PIAS1: variants seen among roughly 807,000 people sequenced by gnomAD.
The protein encoded by PIAS1 is E3 SUMO-protein ligase PIAS1.
In PIAS1, 6 loss-of-function variants were observed where a neutral mutation model predicts 71.3. The observed-to-expected ratio is 0.08, with a 90% confidence interval of 0.05 to 0.17. PIAS1 has a LOEUF of 0.17. PIAS1 is among the 10% of genes least tolerant of loss of function. The pLI, the probability that PIAS1 is intolerant of heterozygous loss-of-function variation, is 1.00. For missense variants in PIAS1, 555 were observed against 793.6 expected, an observed-to-expected ratio of 0.70 and a Z score of 3.61; for synonymous variants, 303 against 292.9, an observed-to-expected ratio of 1.03 and a Z score of -0.35.
chr15:68,103,053 G>C (rs2092441056), intron 2 of PIAS1, among the ~76,000 whole-genome samples: 1 of 151,896 alleles, frequency 6.6e-6, no homozygotes, highest in African/African-American at 2.4e-5. Context: ...TCAGCCTTCT[G>C]AGTAGCTGGG....
intron 1 of PIAS1, among the ~76,000 whole-genome samples, chr15:68,062,736 A>T (rs1240563242): frequency 6.6e-6 from 1 of 152,212 alleles, no homozygotes; most frequent in Non-Finnish European, 1.5e-5. Context: ...TGTCTAGATG[A>T]GAACAAAACT....
intron 2 of PIAS1, among the ~76,000 whole-genome samples, chr15:68,107,468 C>G (rs562216261): frequency 1.8e-4 from 28 of 152,292 alleles, no homozygotes; most frequent in South Asian, 4.1e-4. Flanking sequence ...CCTGGAACTT[C>G]TGGTTCATCT....
At chr15:68,064,605 A>G (rs771932858) in intron 1 of PIAS1, among the ~76,000 whole-genome samples, 31 of 152,222 alleles carry the variant, frequency 2.0e-4, no homozygotes, top group Non-Finnish European at 4.4e-4. Flanking sequence ...AGAACCTGCC[A>G]TTTGTTGTGT....
At chr15:68,146,510 GA>G in intron 5 of PIAS1, 55 bp from the exon 6 acceptor site, 1 of 1,392,916 alleles carries the variant, frequency 7.2e-7, no homozygotes. Flanking sequence ...TTAAGGAATG[GA>G]AGTCAAAATG....
intron 2 of PIAS1, among the ~76,000 whole-genome samples, chr15:68,112,824 G>A (rs2092533534): frequency 7.1e-6 from 1 of 141,768 alleles, no homozygotes. Flanking sequence ...TTCGTCTTTT[G>A]ACTTGCCCAT....
rs1282524063 is a variant in PIAS1, at chr15:68,186,021, TAGAG to T, written c.1663-1518_1663-1515del. Among the ~76,000 whole-genome samples, 1 of 152,106 alleles carries T rather than the reference TAGAG, an allele frequency of 6.6e-6. No individual in the cohort carries two copies. Among genetic ancestry groups the T allele is most frequent in the Non-Finnish European group, 1.5e-5 (1 of 68,006 alleles). On this transcript the variant is annotated intron_variant, in intron 13 of 13. Transcript: ENST00000249636. This position sits in a 1 kb window ranked among gnomAD's most constrained non-coding sequence, Gnocchi z 4.4. ...CCTAACAATGAAAGGTTTTCATTAA[TAGAG>T]AGGAATGTTTATGGTACATTATCTA...
intron 1 of PIAS1, among the ~76,000 whole-genome samples, chr15:68,065,461 C>T (rs1187620020): frequency 6.6e-6 from 1 of 151,642 alleles, no homozygotes; most frequent in African/African-American, 2.4e-5. Context: ...CATGTTGATG[C>T]GCACCTGTGG....
rs769244978 is a variant in PIAS1 at position 68,153,704 on chromosome 15, G to A, written c.934+9G>A. On this transcript the variant is annotated intron_variant, in intron 7 of 13. Transcript: ENST00000249636. ...TCATTCTAGAGCTTTAAGTACGTAT[G>A]ATAAACTTATTTCACTTATTCAGCT... The A allele has an allele frequency of 2.3e-6, 3 of 1,308,732 alleles. No individual in the cohort carries two copies. Among genetic ancestry groups the A allele is most frequent in the Non-Finnish European group, 3.3e-6 (3 of 903,780 alleles). The allele number at this position is 1,308,732 out of a possible 1,614,324, so 81.1% of individuals were successfully genotyped here. A position where few individuals can be genotyped will look rare whatever the true frequency, so the allele number is the denominator to read the frequency against.
At chr15:68,176,905 G>A (rs573045265) in intron 11 of PIAS1, among the ~76,000 whole-genome samples, 1 of 152,118 alleles carries the variant, frequency 6.6e-6, no homozygotes, top group Non-Finnish European at 1.5e-5. Context: ...TGTGGTGTAC[G>A]TACATCAGAA....
Position 68,186,164 on chromosome 15 carries a change from C to A in PIAS1, c.1663-1378C>A, listed in dbSNP as rs890580059. Among the ~76,000 whole-genome samples the A allele has an allele frequency of 1.2e-4, 18 of 152,164 alleles. No individual in the cohort carries two copies. Among genetic ancestry groups the A allele is most frequent in the African/African-American group, 4.1e-4 (17 of 41,456 alleles). On this transcript the variant is annotated intron_variant, in intron 13 of 13. Transcript: ENST00000249636. This position sits in a 1 kb window ranked among gnomAD's most constrained non-coding sequence, Gnocchi z 4.4. ...TCAGGCAGGTCCTTCAGTGGGTGTT[C>A]CAGAAGATTGTTGTCATAGCAAATG...
intron 7 of PIAS1, among the ~76,000 whole-genome samples, chr15:68,154,947 A>G (rs2092876687): frequency 6.6e-6 from 1 of 152,228 alleles, no homozygotes; most frequent in Non-Finnish European, 1.5e-5. Context: ...TGGTCATTCT[A>G]CTGAGAATCT....
At position 68,121,810 on chromosome 15, in the gene PIAS1, T is replaced by C. The variant is rs545430574; in HGVS notation, c.470-20136T>C. 2.2e-4 allele frequency among the ~76,000 whole-genome samples: 33 copies of C among 152,228 alleles called. No homozygotes were observed. The South Asian group carries it at 3.1e-3, about 14-fold the overall frequency. On this transcript the variant is annotated intron_variant, in intron 2 of 13. Coordinates refer to ENST00000249636, the MANE Select transcript of PIAS1 (RefSeq NM_016166.3). ...CCCTATTGAACGTATTTGGAATGAA[T>C]AGACCTGGAGGACAGCTCACTAAAA... is the stretch of plus-strand genomic sequence containing the variant.
At chr15:68,083,861 A>C (rs942430616) in intron 1 of PIAS1, among the ~76,000 whole-genome samples, 3 of 152,016 alleles carry the variant, frequency 2.0e-5, no homozygotes, top group African/African-American at 4.8e-5. Context: ...GCAAGACCCT[A>C]TCTCTTAAAT....
At chr15:68,139,606 T>C (rs1055565634) in intron 2 of PIAS1, among the ~76,000 whole-genome samples, 1 of 152,182 alleles carries the variant, frequency 6.6e-6, no homozygotes, top group Non-Finnish European at 1.5e-5. Flanking sequence ...AACATCACCG[T>C]GAACCCCATT....
chr15:68,057,558 A>C (rs2140949387), intron 1 of PIAS1: 1 of 418,132 alleles, frequency 2.4e-6, no homozygotes, highest in East Asian at 7.8e-5. Flanking sequence ...AGAAACCATA[A>C]TTATAAAAGT....
intron 2 of PIAS1, among the ~76,000 whole-genome samples, chr15:68,126,830 C>T (rs1219943693): frequency 8.6e-6 from 1 of 115,820 alleles, no homozygotes; most frequent in Non-Finnish European, 1.8e-5. Flanking sequence ...TTCCCAGCTA[C>T]CTTTTTTTTT....
chr15:68,102,477 A>C (rs1567042669), intron 2 of PIAS1, among the ~76,000 whole-genome samples: 1 of 152,170 alleles, frequency 6.6e-6, no homozygotes, highest in Non-Finnish European at 1.5e-5. Flanking sequence ...TCGCTCTACA[A>C]ATAGTCTTGC....
Position 68,164,724 on chromosome 15 carries a change from A to C in PIAS1, c.935-7A>C. The stretch of plus-strand genomic sequence containing the variant: ...TGCTTTTTTTCTTCTTCTTCAATGA[A>C]TATCAGTTAAAGAGAAGTTGACTGC... On this transcript the variant is annotated splice_region_variant and splice_polypyrimidine_tract_variant and intron_variant, in intron 7 of 13. Coordinates refer to ENST00000249636, the MANE Select transcript of PIAS1 (RefSeq NM_016166.3). 2 of 1,549,686 alleles carry C rather than the reference A, an allele frequency of 1.3e-6. No homozygotes were observed. Among genetic ancestry groups the C allele is most frequent in the South Asian group, 1.2e-5 (1 of 86,196 alleles).
chr15:68,082,579 T>C (rs1047233260), intron 1 of PIAS1, among the ~76,000 whole-genome samples: 4 of 152,178 alleles, frequency 2.6e-5, no homozygotes, highest in African/African-American at 9.6e-5. Flanking sequence ...GTAATCATGA[T>C]GTACTTTTGG....
Sources: allele counts gnomAD v4.1 joint callset (sites outside exome capture counted in the v4.1 genomes callset), GRCh38; gene constraint gnomAD v4.1.1; non-coding constraint Gnocchi (gnomAD v3.1); transcripts MANE v1.5; gene names NCBI Gene and HGNC (gene_info 2026-07-23, HGNC 2026-07-21).